Variants in RPS6KC1 observed in about 807,000 individuals in gnomAD.
RPS6KC1 encodes ribosomal protein S6 kinase C1.
A neutral mutation model predicts 103.8 loss-of-function variants in RPS6KC1; 54 were observed. The observed-to-expected ratio is 0.52, with a 90% CI of 0.42 to 0.65. The LOEUF (loss-of-function observed/expected upper bound fraction) is 0.65. Among genes scored for constraint, RPS6KC1 ranks in the 30% least tolerant of loss-of-function variants. The probability of loss-of-function intolerance (pLI) is 0.00; values close to 1 mark genes in which losing one functional copy is unlikely to be tolerated. For synonymous variants in RPS6KC1, 439 were observed against 438.7 expected, an observed-to-expected ratio of 1.00 and a Z score of -0.01; for missense variants, 1,151 against 1,253.8, an observed-to-expected ratio of 0.92 and a Z score of 1.24.
At chr1:213,764,625 T>A in the RPS6KC1 span, among the ~76,000 whole-genome samples, 2 of 152,138 alleles carry the variant, frequency 1.3e-5, no homozygotes, top group Non-Finnish European at 2.9e-5. Context: ...CTCTGCCACA[T>A]GGATGCCTCT....
chr1:213,535,408 G>A, the RPS6KC1 span, among the ~76,000 whole-genome samples: 1 of 152,210 alleles, frequency 6.6e-6, no homozygotes, highest in Non-Finnish European at 1.5e-5. Context: ...AAAGGAGAAA[G>A]CATAATAACA....
chr1:213,335,729 A>G, the RPS6KC1 span, among the ~76,000 whole-genome samples: 5 of 152,106 alleles, frequency 3.3e-5, no homozygotes, highest in Non-Finnish European at 7.4e-5. Context: ...TTCACAGATA[A>G]CTCTGTGACA....
In RPS6KC1 at chr1:213,241,118, A is replaced by G; in HGVS notation, c.1642A>G (p.Lys548Glu). 6.2e-7 allele frequency: 1 copy of G among 1,613,824 alleles called. No homozygotes were observed. The highest frequency in any genetic ancestry group is 1.1e-5 in the South Asian group (1 of 91,084). Residue 548 changes from lysine (K) to glutamate (E), a missense_variant, in exon 11 of 15, where the codon AAA (lysine) becomes GAA (glutamate). This residue lies in a region of RPS6KC1 where 959 missense variants were observed against 1,006.3 expected (regional missense o/e 0.95). Transcript: ENST00000366960. The stretch of plus-strand genomic sequence containing the variant: ...GAATGGTGTTGATACAAAAGCTATT[A>G]AAAGCTTCCCAGCACACCTTGCTGC... Reference protein sequence around the residue: ...EGNGVDTKAIKSFPAHLAADS... With the variant: ...EGNGVDTKAIESFPAHLAADS...
chr1:213,452,964 A>G, the RPS6KC1 span, among the ~76,000 whole-genome samples: 1 of 152,126 alleles, frequency 6.6e-6, no homozygotes, highest in Non-Finnish European at 1.5e-5. Flanking sequence ...CTGTCCATGG[A>G]TTACTAGTGA....
At chr1:213,714,635 A>G in the RPS6KC1 span, among the ~76,000 whole-genome samples, 1 of 152,210 alleles carries the variant, frequency 6.6e-6, no homozygotes, top group East Asian at 1.9e-4. Flanking sequence ...GGCTCAAACA[A>G]TTTCTCTCAG....
chr1:213,485,593 G>A, the RPS6KC1 span, among the ~76,000 whole-genome samples: 1 of 152,098 alleles, frequency 6.6e-6, no homozygotes, highest in Non-Finnish European at 1.5e-5. Flanking sequence ...TTTTGCTCAA[G>A]TATTTGTTGA....
chr1:213,662,680 G>C, the RPS6KC1 span, among the ~76,000 whole-genome samples: 1 of 150,784 alleles, frequency 6.6e-6, no homozygotes. Context: ...CCGTCAGCCT[G>C]GGTCTCTTCA....
At chr1:213,787,972 A>G in the RPS6KC1 span, among the ~76,000 whole-genome samples, 1 of 152,204 alleles carries the variant, frequency 6.6e-6, no homozygotes, top group Non-Finnish European at 1.5e-5. Flanking sequence ...AAGCAGGAGA[A>G]GCAAGAGAGG....
At chr1:213,513,941 G>A in the RPS6KC1 span, among the ~76,000 whole-genome samples, 233 of 152,306 alleles carry the variant, frequency 1.5e-3, no homozygotes, top group African/African-American at 5.3e-3. Context: ...ATTGCCAAGT[G>A]CTGTCTCCAT....
In RPS6KC1 at chr1:213,118,899, G is replaced by A. The variant is rs189976298; in HGVS notation, c.472+1489G>A. Among the ~76,000 whole-genome samples, 8 of 151,958 alleles carry A rather than the reference G, an allele frequency of 5.3e-5. No homozygotes were observed. The East Asian group carries it at 1.2e-3, about 22-fold the overall frequency. On this transcript the variant is annotated intron_variant, in intron 5 of 14. Transcript: ENST00000366960. ...CTATTATTTTTTTTGTGTGTGTGTC[G>A]GGGGCGGTGGTGGTAAAATATCTGT...
the RPS6KC1 span, among the ~76,000 whole-genome samples, chr1:213,771,435 G>C: frequency 1.3e-4 from 20 of 152,170 alleles, no homozygotes; most frequent in African/African-American, 3.9e-4. Flanking sequence ...CACAGGAATA[G>C]GAGGTGAAGT....
At chr1:213,152,015 C>G (rs1231377915) in intron 6 of RPS6KC1, among the ~76,000 whole-genome samples, 3 of 136,200 alleles carry the variant, frequency 2.2e-5, no homozygotes, top group Admixed American at 1.4e-4. Flanking sequence ...GGCAGAGGCG[C>G]CCCTCACCTC....
At chr1:213,594,260 TACAA>T in the RPS6KC1 span, among the ~76,000 whole-genome samples, 1 of 152,162 alleles carries the variant, frequency 6.6e-6, no homozygotes, top group Non-Finnish European at 1.5e-5. Flanking sequence ...AAAATTAGCA[TACAA>T]ACAGAGATAT....
the RPS6KC1 span, among the ~76,000 whole-genome samples, chr1:213,427,311 T>C: frequency 0.07 from 10,637 of 152,280 alleles, 423 homozygotes; most frequent in South Asian, 0.15. Flanking sequence ...CAGAACCTTA[T>C]TTTTATAAAG....
chr1:213,381,820 GC>G, the RPS6KC1 span, among the ~76,000 whole-genome samples: 2 of 152,204 alleles, frequency 1.3e-5, no homozygotes, highest in African/African-American at 4.8e-5. Flanking sequence ...CACCAAGCCT[GC>G]AGTGGGCGAG....
chr1:213,778,865 G>A, the RPS6KC1 span, among the ~76,000 whole-genome samples: 76 of 152,170 alleles, frequency 5.0e-4, no homozygotes, highest in Non-Finnish European at 7.6e-4. Context: ...CACAGCCAAA[G>A]CACCCCCACC....
At chr1:213,668,923 A>G in the RPS6KC1 span, among the ~76,000 whole-genome samples, 1,055 of 152,002 alleles carry the variant, frequency 6.9e-3, 11 homozygotes, top group African/African-American at 0.025. Flanking sequence ...CAGCTTCCTC[A>G]CCTCTCTCAG....
chr1:213,766,198 G>A, the RPS6KC1 span, among the ~76,000 whole-genome samples: 1 of 152,166 alleles, frequency 6.6e-6, no homozygotes, highest in Non-Finnish European at 1.5e-5. Flanking sequence ...CCCAGCGTTT[G>A]ACCAAGGCTT....
the RPS6KC1 span, among the ~76,000 whole-genome samples, chr1:213,385,756 T>C: frequency 1.3e-5 from 2 of 152,196 alleles, no homozygotes; most frequent in African/African-American, 2.4e-5. Context: ...GGAATTTTCC[T>C]GAGGCCTCTG....
Sources: gnomAD v4.1 joint callset for allele counts (sites outside exome capture counted in the v4.1 genomes callset) on GRCh38, gnomAD v4.1.1 for gene constraint, gnomAD v4.1.1 regional missense constraint, MANE v1.5 for transcripts, NCBI Gene and HGNC (gene_info 2026-07-23, HGNC 2026-07-21) for gene names.